The following RASGRP3 variants were observed in gnomAD, a reference collection of about 807,000 sequenced individuals.
The protein encoded by RASGRP3 is RAS guanyl releasing protein 3, also known as ras guanyl-releasing protein 3.
In RASGRP3, 54 loss-of-function variants were observed where a neutral mutation model predicts 82.7. The observed-to-expected ratio is 0.65, with a 90% CI of 0.52 to 0.82. The LOEUF is 0.82. RASGRP3 is among the 40% of genes least tolerant of loss of function. RASGRP3 has a pLI of 0.00. For missense variants in RASGRP3, 861 were observed against 828.9 expected (o/e 1.04, Z -0.48); for synonymous variants, 309 against 300.5 (o/e 1.03, Z -0.29).
At chr2:33,512,685 T>A (rs1011640070) in intron 2 of RASGRP3, among the ~76,000 whole-genome samples, 3 of 152,336 alleles carry the variant, frequency 2.0e-5, no homozygotes, top group Admixed American at 1.3e-4. Context: ...CACATAAATA[T>A]ACTCATATTC....
intron 2 of RASGRP3, among the ~76,000 whole-genome samples, chr2:33,512,235 G>T (rs967182196): frequency 3.3e-5 from 5 of 152,156 alleles, no homozygotes; most frequent in African/African-American, 1.2e-4. Flanking sequence ...AACCCTAAAC[G>T]TGGTGATGAG....
intron 14 of RASGRP3, among the ~76,000 whole-genome samples, chr2:33,551,685 TATA>T (rs1264126418): frequency 1.3e-5 from 2 of 151,426 alleles, no homozygotes; most frequent in South Asian, 2.1e-4. Context: ...CATCGCTAAA[TATA>T]ATAATAACAA....
At chr2:33,540,599 T>A in intron 12 of RASGRP3, among the ~76,000 whole-genome samples, 1 of 123,280 alleles carries the variant, frequency 8.1e-6, no homozygotes, top group Non-Finnish European at 1.8e-5. Context: ...TGTGTGTGTG[T>A]GTGTGTCTGG....
At chr2:33,500,839 C>T (rs1669802740) in intron 1 of RASGRP3, among the ~76,000 whole-genome samples, 1 of 152,156 alleles carries the variant, frequency 6.6e-6, no homozygotes, top group Non-Finnish European at 1.5e-5. Flanking sequence ...GTGGCTGAGG[C>T]AGGAGAATCG....
intron 2 of RASGRP3, among the ~76,000 whole-genome samples, chr2:33,448,740 GTGA>G (rs574260330): frequency 1.8e-4 from 27 of 150,830 alleles, no homozygotes; most frequent in Non-Finnish European, 3.3e-4. Flanking sequence ...GCAAATAGTG[GTGA>G]TGATTGCACA....
intron 13 of RASGRP3, among the ~76,000 whole-genome samples, chr2:33,548,505 A>G (rs979850022): frequency 6.6e-6 from 1 of 152,108 alleles, no homozygotes; most frequent in African/African-American, 2.4e-5. Context: ...GAGACTGAGC[A>G]TAACCTGGAA....
chr2:33,477,196 A>G (rs992191814), intron 1 of RASGRP3, among the ~76,000 whole-genome samples: 4 of 152,214 alleles, frequency 2.6e-5, no homozygotes, highest in Non-Finnish European at 5.9e-5. Flanking sequence ...TTCCTATTCA[A>G]TTTTTGAGAA....
intron 1 of RASGRP3, among the ~76,000 whole-genome samples, chr2:33,477,879 T>C (rs968249438): frequency 6.6e-5 from 10 of 152,146 alleles, no homozygotes; most frequent in African/African-American, 2.4e-4. Flanking sequence ...CTGTTTTTAT[T>C]TGAAGTCTCA....
chr2:33,439,632 C>T (rs1023220661), intron 1 of RASGRP3, among the ~76,000 whole-genome samples: 3 of 152,152 alleles, frequency 2.0e-5, no homozygotes, highest in African/African-American at 7.2e-5. Context: ...GAAACTCACA[C>T]TTAGCTGGGG....
intron 4 of RASGRP3, among the ~76,000 whole-genome samples, chr2:33,517,050 T>C (rs1447385980): frequency 6.6e-6 from 1 of 152,246 alleles, no homozygotes; most frequent in Non-Finnish European, 1.5e-5. Context: ...CAAAATAATA[T>C]GCTCTTACTT....
chr2:33,494,406 C>T (rs10495790), intron 1 of RASGRP3, among the ~76,000 whole-genome samples: 9,462 of 152,190 alleles, frequency 0.062, 324 homozygotes, highest in South Asian at 0.12. Flanking sequence ...AGTAGAGTAC[C>T]GGTTCAACTT....
chr2:33,449,852 T>C (rs1665695508), intron 2 of RASGRP3, among the ~76,000 whole-genome samples: 1 of 152,228 alleles, frequency 6.6e-6, no homozygotes, highest in Non-Finnish European at 1.5e-5. Context: ...TTATGCATTT[T>C]AGTAAAGATA....
At chr2:33,472,452 A>G (rs114431469), upstream of RASGRP3, among the ~76,000 whole-genome samples, 1,503 of 152,290 alleles carry the variant, frequency 9.9e-3, 18 homozygotes, top group African/African-American at 0.034. Flanking sequence ...TTTGGAGGCA[A>G]GGTGATTAAT....
At chr2:33,474,459 C>T (rs1183235341), upstream of RASGRP3, among the ~76,000 whole-genome samples, 1 of 152,132 alleles carries the variant, frequency 6.6e-6, no homozygotes, top group African/African-American at 2.4e-5. Flanking sequence ...CACACCACCA[C>T]GCCCGGCTAA....
chr2:33,555,423 T>G, intron 14 of RASGRP3, 108 bp from the exon 15 acceptor site: 1 of 870,180 alleles, frequency 1.1e-6, no homozygotes, highest in African/African-American at 1.7e-5. Context: ...TACATCCTGT[T>G]TGTGCCTGGC....
At chr2:33,527,545 C>A (rs1574428041) in intron 10 of RASGRP3, 133 bp downstream of exon 10, 1 of 962,552 alleles carries the variant, frequency 1.0e-6, no homozygotes, top group East Asian at 2.6e-5. Context: ...GAGAGGAAAT[C>A]TCATAGAACA....
At chr2:33,467,811 TG>T (rs1444806058) in intron 2 of RASGRP3, among the ~76,000 whole-genome samples, 2 of 152,206 alleles carry the variant, frequency 1.3e-5, no homozygotes, top group Admixed American at 6.5e-5. Context: ...AAAGGCCCAT[TG>T]GGACCTCCCT....
chr2:33,509,066 T>C (rs1027083327), intron 1 of RASGRP3, among the ~76,000 whole-genome samples: 3 of 152,122 alleles, frequency 2.0e-5, no homozygotes, highest in African/African-American at 7.2e-5. Context: ...GTTTGCTTGA[T>C]ATGGTGAAGA....
At chr2:33,478,203 T>C (rs1273004417) in intron 1 of RASGRP3, among the ~76,000 whole-genome samples, 1 of 152,190 alleles carries the variant, frequency 6.6e-6, no homozygotes, top group East Asian at 1.9e-4. Flanking sequence ...AAATGGCTAG[T>C]CTGACATTGA....
Sources: allele counts gnomAD v4.1 joint callset (sites outside exome capture counted in the v4.1 genomes callset), GRCh38; gene constraint gnomAD v4.1.1; transcripts MANE v1.5; gene names NCBI Gene and HGNC (gene_info 2026-07-23, HGNC 2026-07-21).